The following USP25 variants were observed in gnomAD, a reference collection of about 807,000 sequenced individuals.
USP25 encodes the protein ubiquitin carboxyl-terminal hydrolase 25.
In USP25, 85 loss-of-function variants were observed where a neutral mutation model predicts 158.5. The ratio of observed to expected loss-of-function variants is 0.54; its 90% CI spans 0.45 to 0.64. USP25 has a LOEUF of 0.64. Ranked by LOEUF, USP25 falls within the 30% of genes least tolerant of loss-of-function variation. The probability of loss-of-function intolerance (pLI) is 0.00; values close to 1 mark genes in which losing one functional copy is unlikely to be tolerated. For missense variants in USP25, 1,242 were observed against 1,327.3 expected, an observed-to-expected ratio of 0.94 and a Z score of 1.00; for synonymous variants, 464 against 460.4, an observed-to-expected ratio of 1.01 and a Z score of -0.10.
At chr21:15,878,062 A>G (rs1455156651) in intron 25 of USP25, 71 bp downstream of exon 25, 1 of 1,263,198 alleles carries the variant, frequency 7.9e-7, no homozygotes, top group Non-Finnish European at 1.1e-6. Flanking sequence ...GATGTTATTT[A>G]TTCTTGCCAT....
intron 1 of USP25, among the ~76,000 whole-genome samples, chr21:15,756,828 T>C (rs1271749336): frequency 6.6e-6 from 1 of 152,132 alleles, no homozygotes; most frequent in African/African-American, 2.4e-5. Context: ...CTTGCCCCTT[T>C]GGTTTAGCAG....
intron 4 of USP25, among the ~76,000 whole-genome samples, chr21:15,779,508 A>T (rs2034844142): frequency 6.6e-6 from 1 of 151,820 alleles, no homozygotes; most frequent in African/African-American, 2.4e-5. Flanking sequence ...TATAAAATAT[A>T]TGTGAGCTTA....
At chr21:15,735,514 A>G (rs976399719) in intron 1 of USP25, among the ~76,000 whole-genome samples, 3 of 152,218 alleles carry the variant, frequency 2.0e-5, no homozygotes, top group Non-Finnish European at 4.4e-5. Flanking sequence ...ACATTCGCAG[A>G]TTTTGGCCTC....
chr21:15,824,309 T>A, intron 11 of USP25, 143 bp downstream of exon 11: 1 of 915,714 alleles, frequency 1.1e-6, no homozygotes. Flanking sequence ...TCAAGGTAGA[T>A]GAAATTTACT....
chr21:15,807,426 C>A (rs1441445690), intron 7 of USP25, among the ~76,000 whole-genome samples: 2 of 152,150 alleles, frequency 1.3e-5, no homozygotes, highest in Non-Finnish European at 2.9e-5. Flanking sequence ...TAAGGTGTTA[C>A]AATAGTTCCT....
At chr21:15,783,005 T>A (rs2035053219) in intron 4 of USP25, among the ~76,000 whole-genome samples, 1 of 152,044 alleles carries the variant, frequency 6.6e-6, no homozygotes, top group African/African-American at 2.4e-5. Flanking sequence ...TTAACGAAAT[T>A]AATAAATTCA....
chr21:15,769,962 AGC>A (rs1222081000), intron 3 of USP25, among the ~76,000 whole-genome samples: 3 of 151,952 alleles, frequency 2.0e-5, no homozygotes, highest in African/African-American at 7.2e-5. Flanking sequence ...AAAATTTATA[AGC>A]CGTTTTTTTT....
At chr21:15,865,997 A>T (rs892600812) in intron 21 of USP25, among the ~76,000 whole-genome samples, 4 of 152,058 alleles carry the variant, frequency 2.6e-5, no homozygotes, top group Admixed American at 1.3e-4. Context: ...TTCCTATGCA[A>T]ACTGTGTTAA....
chr21:15,846,350 A>G (rs2146465143), intron 18 of USP25, among the ~76,000 whole-genome samples: 1 of 150,438 alleles, frequency 6.6e-6, no homozygotes, highest in South Asian at 2.1e-4. Flanking sequence ...TTTAGTAGGG[A>G]CGGATTTCGC....
intron 18 of USP25, among the ~76,000 whole-genome samples, chr21:15,846,233 GCT>G (rs2038611027): frequency 7.4e-6 from 1 of 134,976 alleles, no homozygotes; most frequent in African/African-American, 2.8e-5. Context: ...TGCAGTCTCA[GCT>G]CTCTGCAACC....
At position 15,799,857 on chromosome 21, in the gene USP25, GA is replaced by G. The variant is rs1286719871; in HGVS notation, c.642+15del. On this transcript the variant is annotated intron_variant, in intron 6 of 25. Transcript: ENST00000400183. ...CGAAACCAAAAGGTAAAATTCAAAA[GA>G]TTTTTTTAAGCAGTATATATACTCT... 4.4e-6 allele frequency: 7 copies of G among 1,592,266 alleles called. No individual in the cohort carries two copies. The highest frequency in any genetic ancestry group is 6.0e-6 in the Non-Finnish European group (7 of 1,165,930).
intron 1 of USP25, among the ~76,000 whole-genome samples, chr21:15,747,972 A>G (rs749752641): frequency 7.9e-5 from 12 of 152,144 alleles, no homozygotes; most frequent in Non-Finnish European, 1.5e-4. Context: ...ATTTAGTTTC[A>G]TGTATAATTA....
rs573947810 is a variant in USP25 at position 15,799,819 on chromosome 21, T to C, written c.618T>C (p.Ala206=). Residue 206 remains alanine (A), a synonymous_variant, in exon 6 of 26, where the codon GCT becomes GCC. Coordinates refer to ENST00000400183, the MANE Select transcript of USP25 (RefSeq NM_001283041.3). ...TGAATTACAAGCCTCCATCAAATGC[T>C]CAAGATTTACCCCGAAACCAAAAGG... ...LVLNYKPPSN[A]QDLPRNQKEH... is the part of the protein sequence containing the mutation. 1.2e-6 allele frequency: 2 copies of C among 1,604,776 alleles called. No homozygotes were observed. Among genetic ancestry groups the C allele is most frequent in the Non-Finnish European group, 8.5e-7 (1 of 1,174,562 alleles).
chr21:15,828,391 A>C (rs1192261311), intron 14 of USP25, among the ~76,000 whole-genome samples: 3 of 152,174 alleles, frequency 2.0e-5, no homozygotes, highest in Non-Finnish European at 4.4e-5. Context: ...GAAGCTTTTG[A>C]CACCTAAGTA....
intron 16 of USP25, among the ~76,000 whole-genome samples, chr21:15,833,053 C>T (rs1165702310): frequency 6.6e-6 from 1 of 151,782 alleles, no homozygotes; most frequent in Non-Finnish European, 1.5e-5. Context: ...AAAAACTTGG[C>T]TTTGGCTTTG....
chr21:15,844,007 G>A (rs185116503), intron 18 of USP25, among the ~76,000 whole-genome samples: 58 of 152,222 alleles, frequency 3.8e-4, no homozygotes, highest in Admixed American at 3.0e-3. Flanking sequence ...TATGGATATC[G>A]TCTTATAAGG....
intron 1 of USP25, among the ~76,000 whole-genome samples, chr21:15,753,917 G>T (rs1015158513): frequency 6.6e-6 from 1 of 152,152 alleles, no homozygotes; most frequent in African/African-American, 2.4e-5. Flanking sequence ...TGGGGCTTCT[G>T]GGAGGGGTGG....
chr21:15,776,157 G>A (rs865962909), intron 3 of USP25, among the ~76,000 whole-genome samples: 11 of 151,970 alleles, frequency 7.2e-5, no homozygotes, highest in South Asian at 2.1e-4. Context: ...TTCAGCTGTG[G>A]TCTGGGTGGA....
At chr21:15,736,946 T>C (rs1223435671) in intron 1 of USP25, among the ~76,000 whole-genome samples, 1 of 151,898 alleles carries the variant, frequency 6.6e-6, no homozygotes, top group South Asian at 2.1e-4. Flanking sequence ...GTTAACTCTC[T>C]GTGTTACCTT....
Sources: allele counts gnomAD v4.1 joint callset (sites outside exome capture counted in the v4.1 genomes callset), GRCh38; gene constraint gnomAD v4.1.1; transcripts MANE v1.5; gene names NCBI Gene and HGNC (gene_info 2026-07-23, HGNC 2026-07-21).